Variants in PRMT8 observed in about 807,000 individuals in gnomAD.
PRMT8 encodes protein arginine methyltransferase 8.
A neutral mutation model predicts 47.1 loss-of-function variants in PRMT8; 7 were observed. That is an observed-to-expected ratio of 0.15 (90% CI 0.08 to 0.28). The LOEUF (loss-of-function observed/expected upper bound fraction) is 0.28, where lower values mean the gene tolerates loss of function less well. Ranked by LOEUF, PRMT8 falls within the 10% of genes least tolerant of loss-of-function variation. The probability of loss-of-function intolerance (pLI) is 1.00; values close to 1 mark genes in which losing one functional copy is unlikely to be tolerated. For synonymous variants in PRMT8, 188 were observed against 186.5 expected, an observed-to-expected ratio of 1.01 and a Z score of -0.07; for missense variants, 237 against 505.4, an observed-to-expected ratio of 0.47 and a Z score of 5.09.
intron 1 of PRMT8, among the ~76,000 whole-genome samples, chr12:3,465,402 G>A (rs1865088187): frequency 6.6e-6 from 1 of 151,588 alleles, no homozygotes; most frequent in South Asian, 2.1e-4. Flanking sequence ...GGTTTCCCAA[G>A]TGTGCAAACT....
chr12:3,561,243 G>A (rs1328958822), intron 4 of PRMT8, among the ~76,000 whole-genome samples: 1 of 152,154 alleles, frequency 6.6e-6, no homozygotes, highest in Non-Finnish European at 1.5e-5. Flanking sequence ...CAATGGGAGG[G>A]GCCCAGATGC....
At chr12:3,519,877 G>A (rs1865855093) in intron 1 of PRMT8, among the ~76,000 whole-genome samples, 1 of 152,192 alleles carries the variant, frequency 6.6e-6, no homozygotes, top group Admixed American at 6.5e-5. Context: ...GCCCTGTGTT[G>A]CCAAATTGTC....
At chr12:3,581,634 T>C (rs1000323719) in intron 7 of PRMT8, among the ~76,000 whole-genome samples, 4 of 152,222 alleles carry the variant, frequency 2.6e-5, no homozygotes, top group African/African-American at 7.2e-5. Flanking sequence ...TCCCCTTCTC[T>C]GGGCTCTAGA....
At chr12:3,458,005 G>A (rs975241896) in intron 1 of PRMT8, among the ~76,000 whole-genome samples, 20 of 152,158 alleles carry the variant, frequency 1.3e-4, no homozygotes, top group African/African-American at 4.6e-4. Flanking sequence ...ATCATGCCCA[G>A]CTAATTTTTG....
chr12:3,398,362 G>A (rs1219535451), intron 1 of PRMT8, among the ~76,000 whole-genome samples: 2 of 152,192 alleles, frequency 1.3e-5, no homozygotes, highest in Admixed American at 1.3e-4. Flanking sequence ...AGTGGAGAAC[G>A]CCAAAAATGG....
At chr12:3,473,151 C>T (rs1242610944) in intron 1 of PRMT8, among the ~76,000 whole-genome samples, 2 of 152,170 alleles carry the variant, frequency 1.3e-5, no homozygotes, top group Non-Finnish European at 2.9e-5. Flanking sequence ...GAAAGCATCA[C>T]CTGCATGCAC....
At position 3,517,110 on chromosome 12, in the gene PRMT8, C is replaced by T. The variant is rs992822011; in HGVS notation, c.76-23496C>T. On this transcript the variant is annotated intron_variant, in intron 1 of 9. Coordinates refer to ENST00000382622, the MANE Select transcript of PRMT8 (RefSeq NM_019854.5). ...CAGGAAAATTGTAACCCCATAGTAC[C>T]CAGCCTGTGAGGAACTGGGGGAGGG... 3.3e-5 allele frequency among the ~76,000 whole-genome samples: 5 copies of T among 152,254 alleles called. 1 individual carries two copies. The highest frequency in any genetic ancestry group is 6.5e-5 in the Admixed American group (1 of 15,296).
chr12:3,402,300 C>G (rs1475309899), intron 1 of PRMT8, among the ~76,000 whole-genome samples: 1 of 152,176 alleles, frequency 6.6e-6, no homozygotes, highest in East Asian at 1.9e-4. Flanking sequence ...TGGACCCCTT[C>G]CTTACGTCAT....
chr12:3,412,591 A>G (rs986555411), intron 1 of PRMT8, among the ~76,000 whole-genome samples: 1 of 152,146 alleles, frequency 6.6e-6, no homozygotes, highest in Non-Finnish European at 1.5e-5. Context: ...ATCTTATTCT[A>G]TAACCTTTTT....
At chr12:3,388,663 C>T (rs1468439663) in intron 1 of PRMT8, among the ~76,000 whole-genome samples, 1 of 152,162 alleles carries the variant, frequency 6.6e-6, no homozygotes, top group South Asian at 2.1e-4. Flanking sequence ...GAAACTTGCT[C>T]AATGTCTCAC....
intron 1 of PRMT8, among the ~76,000 whole-genome samples, chr12:3,405,533 TCG>T (rs1298870637): frequency 6.6e-6 from 1 of 152,222 alleles, no homozygotes; most frequent in Non-Finnish European, 1.5e-5. Context: ...CAAGTCCCTT[TCG>T]CCTATAAAAT....
chr12:3,398,774 G>A (rs1864288952), intron 1 of PRMT8, among the ~76,000 whole-genome samples: 1 of 152,216 alleles, frequency 6.6e-6, no homozygotes, highest in Non-Finnish European at 1.5e-5. Flanking sequence ...TGTTTAGCCT[G>A]GAAGCCCAGG....
intron 1 of PRMT8, among the ~76,000 whole-genome samples, chr12:3,461,668 C>A (rs890238321): frequency 6.6e-5 from 10 of 150,620 alleles, no homozygotes; most frequent in Non-Finnish European, 8.8e-5. Context: ...GCAGGAAGTC[C>A]TCTCAAGAGG....
intron 1 of PRMT8, among the ~76,000 whole-genome samples, chr12:3,448,868 A>C (rs540950304): frequency 6.6e-6 from 1 of 152,038 alleles, no homozygotes; most frequent in East Asian, 1.9e-4. Flanking sequence ...TGCATTAGCT[A>C]TTTATCCTGA....
chr12:3,543,096 C>G (rs1442922818), intron 2 of PRMT8, among the ~76,000 whole-genome samples: 1 of 152,224 alleles, frequency 6.6e-6, no homozygotes, highest in African/African-American at 2.4e-5. Flanking sequence ...ACCTGTGAGT[C>G]ATAGATCACA....
At chr12:3,473,880 C>G (rs1462898133) in intron 1 of PRMT8, among the ~76,000 whole-genome samples, 1 of 152,220 alleles carries the variant, frequency 6.6e-6, no homozygotes, top group Non-Finnish European at 1.5e-5. Context: ...GGCCGACACC[C>G]CATCCTTGTG....
chr12:3,483,549 C>T (rs1379591409), intron 1 of PRMT8, among the ~76,000 whole-genome samples: 1 of 151,898 alleles, frequency 6.6e-6, no homozygotes, highest in Admixed American at 6.6e-5. Flanking sequence ...GTTTTTGTTT[C>T]TCCATAGGTG....
intron 1 of PRMT8, among the ~76,000 whole-genome samples, chr12:3,533,294 C>T (rs1019147941): frequency 5.3e-5 from 8 of 152,110 alleles, no homozygotes; most frequent in South Asian, 2.1e-4. Flanking sequence ...CTGGGGAGCC[C>T]GGGAGGCCAC....
chr12:3,540,671 T>A lies in PRMT8; in HGVS notation c.141T>A (p.His47Gln). Residue 47 changes from histidine (H) to glutamine (Q), a missense_variant, in exon 2 of 10, where the codon CAT (histidine) becomes CAA (glutamine). This residue lies in a region of PRMT8 where 43 missense variants were observed against 32.4 expected (regional missense o/e 1.33). Coordinates refer to ENST00000382622, the MANE Select transcript of PRMT8 (RefSeq NM_019854.5). ...VVPAKPVQCV[H>Q]HVSTQPSCPG... is the part of the protein sequence containing the mutation. ...CTGCTAAGCCCGTGCAATGCGTCCA[T>A]CATGTGTCCACTCAACCCAGCTGCC... The A allele has an allele frequency of 7.4e-7, 1 of 1,343,596 alleles. No individual in the cohort carries two copies. The highest frequency in any genetic ancestry group is 1.1e-5 in the South Asian group (1 of 87,584). The allele number at this position is 1,343,596 out of a possible 1,614,324, so 83.2% of individuals were successfully genotyped here.
Sources: gnomAD v4.1 joint callset for allele counts (sites outside exome capture counted in the v4.1 genomes callset) on GRCh38, gnomAD v4.1.1 for gene constraint, gnomAD v4.1.1 regional missense constraint, MANE v1.5 for transcripts, NCBI Gene and HGNC (gene_info 2026-07-23, HGNC 2026-07-21) for gene names.